Variants in ATP6V0D1 observed in about 807,000 individuals in gnomAD.
The protein encoded by ATP6V0D1 is V-type proton ATPase subunit d 1.
ATP6V0D1 carries 13 observed loss-of-function variants against 39.0 expected under a neutral mutation model. The observed-to-expected ratio is 0.33, with a 90% confidence interval of 0.22 to 0.53. The LOEUF (loss-of-function observed/expected upper bound fraction) is 0.53. Among genes scored for constraint, ATP6V0D1 ranks in the 20% least tolerant of loss-of-function variants. The probability of loss-of-function intolerance (pLI) is 0.94; values close to 1 mark genes in which losing one functional copy is unlikely to be tolerated. For missense variants in ATP6V0D1, 272 were observed against 470.9 expected, an observed-to-expected ratio of 0.58 and a Z score of 3.91; for synonymous variants, 191 against 191.2, an observed-to-expected ratio of 1.00 and a Z score of 0.01.
At chr16:67,467,467 T>C (rs930626311) in intron 1 of ATP6V0D1, among the ~76,000 whole-genome samples, 5 of 151,668 alleles carry the variant, frequency 3.3e-5, no homozygotes, top group African/African-American at 1.2e-4. Flanking sequence ...ATCATGCCAC[T>C]GCACTCCAGC....
At chr16:67,446,237 G>A (rs900035658) in intron 2 of ATP6V0D1, among the ~76,000 whole-genome samples, 4 of 152,086 alleles carry the variant, frequency 2.6e-5, no homozygotes, top group African/African-American at 7.2e-5. Flanking sequence ...CTAGAAAGGC[G>A]GCAGGAGGAA....
intron 1 of ATP6V0D1, among the ~76,000 whole-genome samples, chr16:67,467,796 C>T (rs952118878): frequency 1.3e-5 from 2 of 152,194 alleles, no homozygotes; most frequent in Non-Finnish European, 1.5e-5. Flanking sequence ...ATATCATGTC[C>T]TTGCACCTGT....
intron 2 of ATP6V0D1, among the ~76,000 whole-genome samples, chr16:67,452,706 C>G (rs1027584381): frequency 6.6e-6 from 1 of 152,228 alleles, no homozygotes; most frequent in African/African-American, 2.4e-5. Flanking sequence ...ATTTCTTTGT[C>G]CACCAGGACT....
chr16:67,460,571 G>T (rs1042531133), intron 1 of ATP6V0D1, among the ~76,000 whole-genome samples: 1 of 152,100 alleles, frequency 6.6e-6, no homozygotes, highest in Admixed American at 6.5e-5. Flanking sequence ...GCCTCTGCCA[G>T]GGCCCTTCGC....
chr16:67,475,302 T>C (rs1046409903), intron 1 of ATP6V0D1, among the ~76,000 whole-genome samples: 1 of 152,222 alleles, frequency 6.6e-6, no homozygotes, highest in Non-Finnish European at 1.5e-5. Flanking sequence ...CATGTGACAT[T>C]GCGACTGGCG....
chr16:67,448,309 T>C (rs1191271873), intron 2 of ATP6V0D1, among the ~76,000 whole-genome samples: 1 of 149,790 alleles, frequency 6.7e-6, no homozygotes, highest in Non-Finnish European at 1.5e-5. Context: ...GCTATGATCA[T>C]GCCACTGCAC....
At chr16:67,462,950 CAGA>C (rs1053520875) in intron 1 of ATP6V0D1, among the ~76,000 whole-genome samples, 9 of 152,062 alleles carry the variant, frequency 5.9e-5, no homozygotes, top group African/African-American at 2.2e-4. Flanking sequence ...CAGCCATCTT[CAGA>C]AGGACACGAA....
chr16:67,466,621 G>A (rs2041333084), intron 1 of ATP6V0D1, among the ~76,000 whole-genome samples: 1 of 151,910 alleles, frequency 6.6e-6, no homozygotes, highest in Admixed American at 6.6e-5. Context: ...GATGACTTGA[G>A]CCCAGAAGTT....
chr16:67,454,514 C>T (rs2142314386), intron 1 of ATP6V0D1: 1 of 152,274 alleles, frequency 6.6e-6, no homozygotes, highest in South Asian at 2.1e-4. Flanking sequence ...TGATGAGAAC[C>T]TAACAACAGT....
chr16:67,466,947 A>C (rs2041335426), intron 1 of ATP6V0D1, among the ~76,000 whole-genome samples: 1 of 152,202 alleles, frequency 6.6e-6, no homozygotes, highest in Non-Finnish European at 1.5e-5. Context: ...ACAAGGCTGA[A>C]GAGGACGTGG....
intron 1 of ATP6V0D1, among the ~76,000 whole-genome samples, chr16:67,474,019 T>A (rs1277756149): frequency 1.3e-5 from 2 of 152,164 alleles, no homozygotes. Context: ...ACCCACCACA[T>A]AACATCCCCT....
intron 1 of ATP6V0D1, among the ~76,000 whole-genome samples, chr16:67,466,326 TACACACACACACACACAC>T (rs536624557): frequency 1.8e-3 from 217 of 120,582 alleles, no homozygotes; most frequent in African/African-American, 5.7e-3. Context: ...AGTAAACACA[TACACACACACACACACAC>T]ACACACACAC....
intron 4 of ATP6V0D1, 145 bp downstream of exon 4, chr16:67,442,954 C>T: frequency 2.4e-6 from 2 of 827,468 alleles, no homozygotes; most frequent in Non-Finnish European, 2.0e-6. Flanking sequence ...AGCATGGGAG[C>T]CAGAGAATAA....
At position 67,438,944 on chromosome 16, in the gene ATP6V0D1, C is replaced by T. The variant is rs376498424; in HGVS notation, c.816+27G>A. ...GGTGCTTGGTGACAACACATCCAACCGCTGTCCTGCCAGCCGGGGCACTCA... is the reference window on the plus strand; with the variant it reads ...GGTGCTTGGTGACAACACATCCAACTGCTGTCCTGCCAGCCGGGGCACTCA... On this transcript the variant is annotated intron_variant, in intron 6 of 7. Coordinates refer to ENST00000290949, the MANE Select transcript of ATP6V0D1 (RefSeq NM_004691.5). 90 of 1,613,416 alleles carry T rather than the reference C, an allele frequency of 5.6e-5. No homozygotes were observed. In the Middle Eastern group the frequency reaches 6.6e-4, roughly 12 times the overall value.
rs2041135601 is a variant in ATP6V0D1 at position 67,447,868 on chromosome 16, G to T, written c.303-3162C>A. 6.6e-6 allele frequency among the ~76,000 whole-genome samples: 1 copy of T among 152,186 alleles called. No homozygotes were observed. Among genetic ancestry groups the T allele is most frequent in the South Asian group, 2.1e-4 (1 of 4,836 alleles). ...GCAGCCATGATGCCTGGGTAACCCTGCCAGCCTGTCCACTGCAGTCCCCAG... is the reference window on the plus strand; with the variant it reads ...GCAGCCATGATGCCTGGGTAACCCTTCCAGCCTGTCCACTGCAGTCCCCAG... On this transcript the variant is annotated intron_variant, in intron 2 of 7. Coordinates refer to ENST00000290949, the MANE Select transcript of ATP6V0D1 (RefSeq NM_004691.5). The surrounding 1 kb of genome is among the most constrained non-coding windows in gnomAD (Gnocchi z 4.1).
At chr16:67,466,346 C>CAT (rs1472287111) in intron 1 of ATP6V0D1, among the ~76,000 whole-genome samples, 1 of 148,762 alleles carries the variant, frequency 6.7e-6, no homozygotes, top group Non-Finnish European at 1.5e-5. Flanking sequence ...CACACACACA[C>CAT]ACACACACAC....
At chr16:67,471,830 G>T (rs1394019991) in intron 1 of ATP6V0D1, among the ~76,000 whole-genome samples, 2 of 151,584 alleles carry the variant, frequency 1.3e-5, no homozygotes, top group African/African-American at 4.9e-5. Flanking sequence ...GGGCCGGGGG[G>T]TGGTTCTCAC....
rs1004144991 is a variant in ATP6V0D1 at position 67,444,093 on chromosome 16, G to A, written c.481+435C>T. On this transcript the variant is annotated intron_variant, in intron 3 of 7. Transcript: ENST00000290949. This position sits in a 1 kb window ranked among gnomAD's most constrained non-coding sequence, Gnocchi z 4.8. ...CTGACCTGGCCCAGGGGACCTGCTC[G>A]GTGGAGGGAAGTGGCAGTGTTTGCT... is the stretch of plus-strand genomic sequence containing the variant. Among the ~76,000 whole-genome samples the A allele has an allele frequency of 2.0e-5, 3 of 152,238 alleles. No homozygotes were observed. The highest frequency in any genetic ancestry group is 6.5e-5 in the Admixed American group (1 of 15,282).
intron 1 of ATP6V0D1, among the ~76,000 whole-genome samples, chr16:67,463,549 AAGAG>A (rs1222686802): frequency 6.6e-6 from 1 of 152,062 alleles, no homozygotes; most frequent in Non-Finnish European, 1.5e-5. Context: ...AGAAAAAAGA[AAGAG>A]GGAGGGAGGG....
Sources: gnomAD v4.1 joint callset for allele counts (sites outside exome capture counted in the v4.1 genomes callset) on GRCh38, gnomAD v4.1.1 for gene constraint, Gnocchi (gnomAD v3.1) non-coding constraint, MANE v1.5 for transcripts, NCBI Gene and HGNC (gene_info 2026-07-23, HGNC 2026-07-21) for gene names.